The following CNTN4 variants were observed in gnomAD, a reference collection of about 807,000 sequenced individuals.
CNTN4 encodes the protein contactin 4.
CNTN4 carries 77 observed loss-of-function variants against 122.5 expected under a neutral mutation model. The observed-to-expected ratio is 0.63, with a 90% CI of 0.52 to 0.76. CNTN4 has a LOEUF of 0.76. CNTN4 is among the 30% of genes least tolerant of loss of function. CNTN4 has a pLI of 0.00. For synonymous variants in CNTN4, 512 were observed against 447.0 expected, an observed-to-expected ratio of 1.15 and a Z score of -1.83; for missense variants, 1,256 against 1,259.1, an observed-to-expected ratio of 1.00 and a Z score of 0.04.
chr3:2,266,509 T>C (rs544251464), intron 2 of CNTN4, among the ~76,000 whole-genome samples: 19 of 152,028 alleles, frequency 1.2e-4, no homozygotes, highest in Non-Finnish European at 2.1e-4. Flanking sequence ...AAAAATCAAA[T>C]CTCCCCCCAA....
intron 2 of CNTN4, among the ~76,000 whole-genome samples, chr3:2,139,556 A>G (rs1185485386): frequency 6.6e-6 from 1 of 152,238 alleles, no homozygotes; most frequent in Non-Finnish European, 1.5e-5. Flanking sequence ...ATGCAATCAA[A>G]TATTGAAACT....
chr3:2,437,509 A>G (rs1167632233), intron 3 of CNTN4, among the ~76,000 whole-genome samples: 1 of 152,186 alleles, frequency 6.6e-6, no homozygotes, highest in Non-Finnish European at 1.5e-5. Context: ...CTAAATTCCT[A>G]TATTTTATTC....
At chr3:2,154,642 T>C (rs537742500) in intron 2 of CNTN4, among the ~76,000 whole-genome samples, 25 of 152,340 alleles carry the variant, frequency 1.6e-4, no homozygotes, top group Admixed American at 1.5e-3. Context: ...CAGATTTATA[T>C]GTATAGAGAA....
intron 7 of CNTN4, among the ~76,000 whole-genome samples, chr3:2,848,976 T>G (rs1349769215): frequency 6.6e-6 from 1 of 152,178 alleles, no homozygotes. Flanking sequence ...AAGATTAGAA[T>G]GAGGTTACCA....
chr3:2,480,919 G>T (rs767667901), intron 3 of CNTN4, among the ~76,000 whole-genome samples: 3 of 152,102 alleles, frequency 2.0e-5, no homozygotes, highest in Non-Finnish European at 2.9e-5. Context: ...AGAACAGAGA[G>T]CCCAGAAATA....
intron 2 of CNTN4, among the ~76,000 whole-genome samples, chr3:2,186,333 A>T (rs372437892): frequency 6.6e-6 from 1 of 152,112 alleles, no homozygotes; most frequent in Non-Finnish European, 1.5e-5. Flanking sequence ...TCTATCATTG[A>T]TGGACATTTG....
intron 4 of CNTN4, chr3:2,629,430 A>G: frequency 2.8e-6 from 1 of 358,746 alleles, no homozygotes; most frequent in Non-Finnish European, 5.6e-6. Flanking sequence ...CTTTTCAAAT[A>G]TTCAATTTTC....
At chr3:2,781,878 C>CAAT (rs2091597428) in intron 6 of CNTN4, among the ~76,000 whole-genome samples, 1 of 127,090 alleles carries the variant, frequency 7.9e-6, no homozygotes, top group Non-Finnish European at 1.7e-5. Context: ...GCGCCCGCAC[C>CAAT]ACGCCCGGCT....
At chr3:2,532,682 G>A (rs1010146652) in intron 3 of CNTN4, among the ~76,000 whole-genome samples, 3 of 152,038 alleles carry the variant, frequency 2.0e-5, no homozygotes, top group Non-Finnish European at 4.4e-5. Context: ...CCAATTATTA[G>A]TGAAAACTAT....
chr3:2,376,787 A>G (rs1322888069), intron 3 of CNTN4, among the ~76,000 whole-genome samples: 5 of 151,866 alleles, frequency 3.3e-5, no homozygotes, highest in Non-Finnish European at 7.4e-5. Context: ...TGTGCTGACC[A>G]TGCACTGACT....
chr3:2,709,371 A>G lies in CNTN4; in HGVS notation c.56-26844A>G, dbSNP rs1463297890. Among the ~76,000 whole-genome samples, 1 of 151,942 alleles carries G rather than the reference A, an allele frequency of 6.6e-6. No individual in the cohort carries two copies. Among genetic ancestry groups the G allele is most frequent in the East Asian group, 1.9e-4 (1 of 5,178 alleles). ...TAAAAAATACTGATGCGTAGGTCTCACGCCTGGTTAGGATTTGATTGGTAA... is the reference window on the plus strand; with the variant it reads ...TAAAAAATACTGATGCGTAGGTCTCGCGCCTGGTTAGGATTTGATTGGTAA... On this transcript the variant is annotated intron_variant, in intron 4 of 24. Transcript: ENST00000418658. This position sits in a 1 kb window ranked among gnomAD's most constrained non-coding sequence, Gnocchi z 5.0.
intron 12 of CNTN4, among the ~76,000 whole-genome samples, chr3:2,920,583 G>C (rs72997400): frequency 1.3e-5 from 2 of 151,866 alleles, no homozygotes; most frequent in Admixed American, 6.6e-5. Flanking sequence ...AACATTTTCT[G>C]TTTTCAAACA....
At chr3:2,212,489 G>A (rs1045817860) in intron 2 of CNTN4, among the ~76,000 whole-genome samples, 17 of 152,232 alleles carry the variant, frequency 1.1e-4, no homozygotes, top group Admixed American at 2.0e-4. Context: ...CGGGCAAGAG[G>A]GTTTGTGCAG....
At chr3:2,706,534 A>G (rs1204884513) in intron 4 of CNTN4, among the ~76,000 whole-genome samples, 2 of 152,156 alleles carry the variant, frequency 1.3e-5, no homozygotes, top group Admixed American at 1.3e-4. Flanking sequence ...ATCAGACCAC[A>G]TAGTTTGCAC....
At chr3:2,486,522 G>A (rs753248398) in intron 3 of CNTN4, among the ~76,000 whole-genome samples, 1 of 152,134 alleles carries the variant, frequency 6.6e-6, no homozygotes, top group Non-Finnish European at 1.5e-5. Flanking sequence ...AATTTAACTT[G>A]ATTCTTATAG....
At chr3:2,991,649 A>G (rs1695062486) in intron 14 of CNTN4, among the ~76,000 whole-genome samples, 1 of 152,160 alleles carries the variant, frequency 6.6e-6, no homozygotes, top group African/African-American at 2.4e-5. Context: ...CAAGAAGGAC[A>G]TTAACATAAA....
In CNTN4 at chr3:2,938,274, T is replaced by TA. The variant is rs202095613; in HGVS notation, c.1358+12503dup. Among the ~76,000 whole-genome samples, 855 of 151,796 alleles carry TA rather than the reference T, an allele frequency of 5.6e-3. 3 individuals carry two copies. The highest frequency in any genetic ancestry group is 9.4e-3 in the Non-Finnish European group (636 of 67,850). On this transcript the variant is annotated intron_variant, in intron 13 of 24. Transcript: ENST00000418658. ...TATCTTGTGGCCATTTTTATCTCTG[T>TA]AAAAAAAATGAGCATTTTCAACCCC...
In CNTN4 at chr3:2,635,304, C is replaced by G. The variant is rs569000658; in HGVS notation, c.55+63746C>G. Among the ~76,000 whole-genome samples, 5 of 152,246 alleles carry G rather than the reference C, an allele frequency of 3.3e-5. No homozygotes were observed. The South Asian group carries it at 1.0e-3, about 32-fold the overall frequency. On this transcript the variant is annotated intron_variant, in intron 4 of 24. Coordinates refer to ENST00000418658, the MANE Select transcript of CNTN4 (RefSeq NM_175607.3). Reference sequence around the variant, plus strand: ...AAGGACAGTGTGAGATATTGAGATACCAAACTGTAATTGGAAATGAAAATA... The same window carrying G: ...AAGGACAGTGTGAGATATTGAGATAGCAAACTGTAATTGGAAATGAAAATA...
chr3:2,427,301 C>A (rs1209337303), intron 3 of CNTN4, among the ~76,000 whole-genome samples: 2 of 152,168 alleles, frequency 1.3e-5, no homozygotes, highest in Non-Finnish European at 2.9e-5. Flanking sequence ...CAAAGAACAT[C>A]TTTATTTCTG....
Sources: gnomAD v4.1 joint callset for allele counts (sites outside exome capture counted in the v4.1 genomes callset) on GRCh38, gnomAD v4.1.1 for gene constraint, Gnocchi (gnomAD v3.1) non-coding constraint, MANE v1.5 for transcripts, NCBI Gene and HGNC (gene_info 2026-07-23, HGNC 2026-07-21) for gene names.